Variants in EEF2K observed in about 807,000 individuals in gnomAD.
EEF2K encodes eukaryotic elongation factor 2 kinase.
In EEF2K, 70 loss-of-function variants were observed where a neutral mutation model predicts 93.8. That is an observed-to-expected ratio of 0.75 (90% CI 0.62 to 0.91). The LOEUF (loss-of-function observed/expected upper bound fraction) is 0.91. Among genes scored for constraint, EEF2K ranks in the 40% least tolerant of loss-of-function variants. The pLI, the probability that EEF2K is intolerant of heterozygous loss-of-function variation, is 0.00. For missense variants in EEF2K, 935 were observed against 972.9 expected (o/e 0.96, Z 0.52); for synonymous variants, 376 against 380.8 (o/e 0.99, Z 0.15).
intron 6 of EEF2K, among the ~76,000 whole-genome samples, chr16:22,252,454 C>G (rs147424472): frequency 2.6e-5 from 4 of 152,268 alleles, no homozygotes; most frequent in Non-Finnish European, 5.9e-5. Context: ...CAATAAAAGT[C>G]CCAGAGCTGC....
At chr16:22,231,657 C>T (rs1013090150) in intron 2 of EEF2K, among the ~76,000 whole-genome samples, 7 of 151,974 alleles carry the variant, frequency 4.6e-5, no homozygotes, top group Admixed American at 1.3e-4. Context: ...CAGGTAACTT[C>T]CTCTTCCTCA....
At chr16:22,260,350 T>TAAA in intron 10 of EEF2K, 112 bp from the exon 11 acceptor site, 12 of 867,518 alleles carry the variant, frequency 1.4e-5, no homozygotes, top group South Asian at 3.7e-5. Context: ...CTTTAAAGCT[T>TAAA]AAAAAAAAAA....
chr16:22,223,756 A>T (rs1395874568), intron 1 of EEF2K, among the ~76,000 whole-genome samples: 4 of 152,088 alleles, frequency 2.6e-5, no homozygotes, highest in Non-Finnish European at 4.4e-5. Flanking sequence ...TTTCTTGATT[A>T]TTTTTGTGTG....
At chr16:22,272,076 C>T (rs138836383) in intron 15 of EEF2K, among the ~76,000 whole-genome samples, 5 of 152,244 alleles carry the variant, frequency 3.3e-5, no homozygotes, top group East Asian at 3.9e-4. Context: ...ATGTTTTCCA[C>T]GCCTTTCTTA....
At position 22,263,024 on chromosome 16, in the gene EEF2K, G is replaced by A. The variant is rs562211792; in HGVS notation, c.1300-86G>A. ...TAGGTAATGGGACAGAGGGGAGAAA[G>A]CTAACAGTTGGGGTGTTGAGATGTC... On this transcript the variant is annotated intron_variant, in intron 11 of 17. Coordinates refer to ENST00000263026, the MANE Select transcript of EEF2K (RefSeq NM_013302.5). The A allele has an allele frequency of 3.3e-4, 421 of 1,272,890 alleles. 5 individuals are homozygous for A. The South Asian group carries it at 5.3e-3, about 16-fold the overall frequency. The allele number at this position is 1,272,890 out of a possible 1,614,324, so 78.8% of individuals were successfully genotyped here.
chr16:22,221,316 G>A (rs891929476), intron 1 of EEF2K, among the ~76,000 whole-genome samples: 3 of 152,036 alleles, frequency 2.0e-5, no homozygotes, highest in Admixed American at 1.3e-4. Flanking sequence ...GTGAGACTCT[G>A]TCTGTACAAA....
Position 22,288,596 on chromosome 16 carries a change from T to G in EEF2K, c.*4600T>G, listed in dbSNP as rs1298215293. 6.6e-6 allele frequency: 1 copy of G among 152,192 alleles called. No individual in the cohort carries two copies. Among genetic ancestry groups the G allele is most frequent in the Non-Finnish European group, 1.5e-5 (1 of 68,038 alleles). 9.4% of individuals were successfully genotyped at this position (152,192 alleles called of 1,614,324 possible). On this transcript the variant is annotated 3_prime_UTR_variant, in exon 18 of 18. Coordinates refer to ENST00000263026, the MANE Select transcript of EEF2K (RefSeq NM_013302.5). ...ATTTTCTGTGTGGATTTGTGCCTCT[T>G]AATTGTGTTTCTAGTCTCTAAGGTG...
At chr16:22,271,606 G>A (rs574693643) in intron 15 of EEF2K, among the ~76,000 whole-genome samples, 4 of 151,708 alleles carry the variant, frequency 2.6e-5, no homozygotes, top group South Asian at 4.2e-4. Flanking sequence ...AGAGTGAGGC[G>A]GGAGGATAAA....
chr16:22,215,822 G>A (rs531466592), intron 1 of EEF2K, among the ~76,000 whole-genome samples: 88 of 152,310 alleles, frequency 5.8e-4, no homozygotes, highest in Non-Finnish European at 7.8e-4. Context: ...CTACTCGGGA[G>A]GCCGAGGCAG....
rs779246947 is a variant in EEF2K at position 22,244,666 on chromosome 16, A to G, written c.283A>G (p.Met95Val). Residue 95 changes from methionine to valine, a missense_variant, in exon 3 of 18, where the codon ATG becomes GTG. Met to Val is a conservative substitution (Grantham distance 21, BLOSUM62 1). Coordinates refer to ENST00000263026, the MANE Select transcript of EEF2K (RefSeq NM_013302.5). ...WKHAIQKAKH[M>V]PDPWAEFHLE... is the part of the protein sequence containing the mutation. ...GCACGCAATCCAGAAGGCCAAGCAC[A>G]TGCCCGACCCCTGGGCTGAGTTCCA... 3 of 1,613,964 alleles carry G rather than the reference A, an allele frequency of 1.9e-6. No homozygotes were observed. The highest frequency in any genetic ancestry group is 1.7e-5 in the Admixed American group (1 of 59,986).
intron 2 of EEF2K, among the ~76,000 whole-genome samples, chr16:22,232,809 G>A (rs1196911936): frequency 6.6e-6 from 1 of 152,070 alleles, no homozygotes; most frequent in East Asian, 1.9e-4. Flanking sequence ...GTGTTGCCAG[G>A]GGTGGCTTCA....
At position 22,273,724 on chromosome 16, in the gene EEF2K, C is replaced by CT. The variant is rs1273301915; in HGVS notation, c.1864dup (p.Ser622PhefsTer30). ...TGATCCTAGTGGCGCGAGCTTTTGA[C>CT]TCTGGCCAGAACCTCAGCCCGGACA... On this transcript the variant is annotated frameshift_variant, in exon 16 of 18. Transcript: ENST00000263026. LOFTEE classifies it high-confidence loss of function. 1 of 1,613,988 alleles carries CT rather than the reference C, an allele frequency of 6.2e-7. No homozygotes were observed. The highest frequency in any genetic ancestry group is 1.1e-5 in the South Asian group (1 of 91,082).
chr16:22,260,828 G>A lies in EEF2K; in HGVS notation c.1299+299G>A, dbSNP rs548850269. ...AATGCCAGTCTCAGCTCCAGGTTTGGTTTGACCCCACATGTGTTGGTTGTC... is the reference window on the plus strand; with the variant it reads ...AATGCCAGTCTCAGCTCCAGGTTTGATTTGACCCCACATGTGTTGGTTGTC... On this transcript the variant is annotated intron_variant, in intron 11 of 17. Transcript: ENST00000263026. 2.0e-5 allele frequency among the ~76,000 whole-genome samples: 3 copies of A among 152,266 alleles called. No individual in the cohort carries two copies. In the South Asian group the frequency reaches 6.2e-4, roughly 32 times the overall value.
intron 1 of EEF2K, among the ~76,000 whole-genome samples, chr16:22,212,936 T>C (rs1297812784): frequency 1.3e-5 from 2 of 151,580 alleles, no homozygotes; most frequent in African/African-American, 2.4e-5. Context: ...ATTATGCCAC[T>C]GCACTCCAGC....
Position 22,258,699 on chromosome 16 carries a change from A to C in EEF2K, c.1231+4A>C. The C allele has an allele frequency of 6.2e-7, 1 of 1,614,110 alleles. No individual in the cohort carries two copies. The highest frequency in any genetic ancestry group is 8.5e-7 in the Non-Finnish European group (1 of 1,180,040). Reference sequence around the variant, plus strand: ...AGCCAGAAGCTAGACCACCTCCGTGAGTGACGGTTCGGTCCCTAGTCACTG... The same window carrying C: ...AGCCAGAAGCTAGACCACCTCCGTGCGTGACGGTTCGGTCCCTAGTCACTG... On this transcript the variant is annotated splice_donor_region_variant and intron_variant, in intron 10 of 17. Transcript: ENST00000263026.
chr16:22,258,240 C>T (rs1351287921), intron 9 of EEF2K, among the ~76,000 whole-genome samples: 1 of 152,112 alleles, frequency 6.6e-6, no homozygotes, highest in Non-Finnish European at 1.5e-5. Context: ...CAGCTCTGGG[C>T]TGTGGAATGT....
intron 1 of EEF2K, among the ~76,000 whole-genome samples, chr16:22,221,656 CA>C (rs1209489048): frequency 6.6e-6 from 1 of 151,924 alleles, no homozygotes; most frequent in East Asian, 1.9e-4. Context: ...ACAGCACTGT[CA>C]AAAAAATTGG....
rs71151667 is a variant in EEF2K at position 22,262,001 on chromosome 16, C to CCACACACA, written c.1300-1080_1300-1073dup. The stretch of plus-strand genomic sequence containing the variant: ...GCCTGGGTGACAACGTGAGACCCTG[C>CCACACACA]CACACACACACACACACACACACAC... On this transcript the variant is annotated intron_variant, in intron 11 of 17. Coordinates refer to ENST00000263026, the MANE Select transcript of EEF2K (RefSeq NM_013302.5). 2.7e-3 allele frequency among the ~76,000 whole-genome samples: 376 copies of CCACACACA among 138,108 alleles called. 2 individuals are homozygous for CCACACACA. The highest frequency in any genetic ancestry group is 9.0e-3 in the South Asian group (37 of 4,134). The allele number at this position is 138,108 out of a possible 152,430, so 90.6% of individuals were successfully genotyped here. A position where few individuals can be genotyped will look rare whatever the true frequency, so the allele number is the denominator to read the frequency against.
chr16:22,269,539 A>G (rs1010424168), intron 15 of EEF2K, among the ~76,000 whole-genome samples: 10 of 151,436 alleles, frequency 6.6e-5, no homozygotes, highest in Non-Finnish European at 1.5e-4. Flanking sequence ...GTAGCTGGGA[A>G]TACAGGTGCC....
Sources: gnomAD v4.1 joint callset for allele counts (sites outside exome capture counted in the v4.1 genomes callset) on GRCh38, gnomAD v4.1.1 for gene constraint, MANE v1.5 for transcripts, NCBI Gene and HGNC (gene_info 2026-07-23, HGNC 2026-07-21) for gene names.